The following SMPX variants were observed in gnomAD, a reference collection of about 807,000 sequenced individuals.
SMPX encodes the protein small muscular protein.
A neutral mutation model predicts 6.3 loss-of-function variants in SMPX; 2 were observed. That is an observed-to-expected ratio of 0.32 (90% CI 0.13 to 0.99). SMPX has a LOEUF of 0.99. Ranked by LOEUF, SMPX falls within the 50% of genes least tolerant of loss-of-function variation. SMPX has a pLI of 0.49. For missense variants in SMPX, 60 were observed against 66.8 expected, an observed-to-expected ratio of 0.90 and a Z score of 0.36; for synonymous variants, 32 against 24.7, an observed-to-expected ratio of 1.30 and a Z score of -0.88.
At chrX:21,721,290 G>T (rs753792937) in intron 4 of SMPX, among the ~76,000 whole-genome samples, 1 of 111,517 alleles carries the variant, frequency 9.0e-6, no homozygotes, top group African/African-American at 3.3e-5. Context: ...GGCCTAATAT[G>T]GCTATTGTTT....
intron 3 of SMPX, among the ~76,000 whole-genome samples, chrX:21,739,097 C>CG (rs2092813590): frequency 9.1e-6 from 1 of 110,474 alleles, no homozygotes. Context: ...CTATGCCCCG[C>CG]CTCCACCCCA....
chrX:21,738,737 G>A (rs749524605), intron 3 of SMPX, among the ~76,000 whole-genome samples: 10 of 111,074 alleles, frequency 9.0e-5, no homozygotes, highest in Non-Finnish European at 1.3e-4. Flanking sequence ...CAATGACTGA[G>A]TGCGACAGGA....
chrX:21,750,357 G>A (rs776392258), intron 2 of SMPX, among the ~76,000 whole-genome samples: 50 of 111,729 alleles, frequency 4.5e-4, no homozygotes, highest in South Asian at 7.6e-4. Context: ...TCTATAGTCC[G>A]CGGGCCAAAT....
chrX:21,747,205 C>CT (rs750907497), intron 2 of SMPX, among the ~76,000 whole-genome samples: 5 of 111,445 alleles, frequency 4.5e-5, no homozygotes, highest in East Asian at 2.8e-4. Context: ...GAAGCAGTCT[C>CT]TTTTTTTTCC....
chrX:21,741,301 C>A (rs2092815786), intron 3 of SMPX, among the ~76,000 whole-genome samples: 1 of 112,277 alleles, frequency 8.9e-6, no homozygotes, highest in African/African-American at 3.2e-5. Context: ...ATGTTATGAT[C>A]TCTATACAGT....
Position 21,733,621 on chromosome X carries a change from A to G in SMPX, c.*14+3928T>C, listed in dbSNP as rs189083620. On this transcript the variant is annotated intron_variant, in intron 4 of 4. Transcript: ENST00000379494. ...TTCAATTGCGACTTTCTCGGTGCTT[A>G]TTAGCATCATTGTAGAATTATTCTT... 6 of 295,740 alleles carry G rather than the reference A, an allele frequency of 2.0e-5. No homozygotes were observed. The East Asian group carries it at 5.2e-4, about 25-fold the overall frequency. 24.4% of individuals were successfully genotyped at this position (295,740 alleles called of 1,213,427 possible).
At chrX:21,733,903 C>A (rs1054183223) in intron 4 of SMPX, 15 of 218,300 alleles carry the variant, frequency 6.9e-5, no homozygotes, top group Non-Finnish European at 1.3e-4. Context: ...CTCCATTTGT[C>A]CAGAGGTGAT....
At chrX:21,751,591 G>C (rs2092827498) in intron 2 of SMPX, among the ~76,000 whole-genome samples, 1 of 112,167 alleles carries the variant, frequency 8.9e-6, no homozygotes, top group Non-Finnish European at 1.9e-5. Context: ...GAGACCTTGA[G>C]TGCCTCAAAC....
intron 4 of SMPX, among the ~76,000 whole-genome samples, chrX:21,726,003 G>A (rs2092796517): frequency 9.0e-6 from 1 of 111,553 alleles, no homozygotes; most frequent in African/African-American, 3.3e-5. Flanking sequence ...AAGACTTCCT[G>A]GAAGCTGCTG....
intron 1 of SMPX, among the ~76,000 whole-genome samples, chrX:21,755,304 G>A (rs777775686): frequency 8.9e-6 from 1 of 112,965 alleles, no homozygotes; most frequent in Non-Finnish European, 1.9e-5. Context: ...ACTGGTGTAA[G>A]TGGTGTGTCC....
At chrX:21,709,479 C>T (rs935563525) in intron 4 of SMPX, among the ~76,000 whole-genome samples, 1 of 112,531 alleles carries the variant, frequency 8.9e-6, no homozygotes, top group Non-Finnish European at 1.9e-5. Context: ...TTCATTTTTA[C>T]ATCCCATTGC....
rs762843062 is a variant in SMPX at position 21,750,463 on chromosome X, A to G, written c.45+3783T>C. On this transcript the variant is annotated intron_variant, in intron 2 of 4. Transcript: ENST00000379494. ...CCTATGGCTGCTTTTGTGGTACAAC[A>G]GCAGAGCTGAGTAGTGGGAACAGAC... 9.8e-5 allele frequency among the ~76,000 whole-genome samples: 11 copies of G among 112,356 alleles called. No homozygotes were observed. The East Asian group carries it at 2.8e-3, about 29-fold the overall frequency.
At chrX:21,716,551 G>T (rs1479776956) in intron 4 of SMPX, among the ~76,000 whole-genome samples, 2 of 112,494 alleles carry the variant, frequency 1.8e-5, no homozygotes, top group Admixed American at 1.9e-4. Flanking sequence ...AAAGCATTTA[G>T]CAGAGTGCCT....
At chrX:21,725,877 C>T (rs1015313142) in intron 4 of SMPX, among the ~76,000 whole-genome samples, 24 of 111,712 alleles carry the variant, frequency 2.1e-4, no homozygotes, top group Non-Finnish European at 4.1e-4. Flanking sequence ...ATGTGCAGAG[C>T]TAATCTTCAG....
At chrX:21,719,241 C>T (rs1258106873) in intron 4 of SMPX, among the ~76,000 whole-genome samples, 5 of 111,749 alleles carry the variant, frequency 4.5e-5, no homozygotes, top group African/African-American at 1.3e-4. Flanking sequence ...AAAGAGAGGC[C>T]GGGCGCAGTG....
At chrX:21,710,237 G>T (rs1373001997) in intron 4 of SMPX, among the ~76,000 whole-genome samples, 2 of 112,266 alleles carry the variant, frequency 1.8e-5, no homozygotes, top group Non-Finnish European at 1.9e-5. Context: ...AAAAAGGAAT[G>T]AAATAATGTC....
chrX:21,746,319 G>A (rs1197461809), intron 2 of SMPX, among the ~76,000 whole-genome samples: 1 of 111,575 alleles, frequency 9.0e-6, no homozygotes, highest in Admixed American at 9.5e-5. Flanking sequence ...ATTCTCTCAA[G>A]GTCATACATA....
intron 2 of SMPX, among the ~76,000 whole-genome samples, chrX:21,744,124 T>A (rs2092818999): frequency 8.9e-6 from 1 of 112,062 alleles, no homozygotes; most frequent in African/African-American, 3.3e-5. Flanking sequence ...CAGTTTGTTC[T>A]GGCTGTTGCC....
chrX:21,735,508 A>T lies in SMPX; in HGVS notation c.*14+2041T>A, dbSNP rs2092809523. Among the ~76,000 whole-genome samples the T allele has an allele frequency of 4.5e-5, 5 of 111,666 alleles. No homozygotes were observed. In the Admixed American group the frequency reaches 4.7e-4, roughly 11 times the overall value. On this transcript the variant is annotated intron_variant, in intron 4 of 4. Coordinates refer to ENST00000379494, the MANE Select transcript of SMPX (RefSeq NM_014332.3). ...TTCTGGATATTCTGGTACATTTTCA[A>T]TATTTGATTGAGTTGTTATTCTTCC...
Sources: allele counts gnomAD v4.1 joint callset (sites outside exome capture counted in the v4.1 genomes callset), GRCh38; gene constraint gnomAD v4.1.1; transcripts MANE v1.5; gene names NCBI Gene and HGNC (gene_info 2026-07-23, HGNC 2026-07-21).